GALNT18: variants seen among roughly 807,000 people sequenced by gnomAD.
GALNT18 encodes the protein GalNAc-transferase 18.
Under a neutral mutation model 69.5 loss-of-function variants are expected in GALNT18, and 44 were observed. That is an observed-to-expected ratio of 0.63 (90% CI 0.50 to 0.81). GALNT18 has a LOEUF of 0.81. Ranked by LOEUF, GALNT18 falls within the 40% of genes least tolerant of loss-of-function variation. GALNT18 has a pLI of 0.00. For synonymous variants in GALNT18, 364 were observed against 318.2 expected (o/e 1.14, Z -1.53); for missense variants, 715 against 810.0 (o/e 0.88, Z 1.42).
Position 11,500,756 on chromosome 11 carries a change from G to A in GALNT18, c.236-51820C>T, listed in dbSNP as rs963182472. 6.6e-6 allele frequency among the ~76,000 whole-genome samples: 1 copy of A among 152,204 alleles called. No homozygotes were observed. Among genetic ancestry groups the A allele is most frequent in the Non-Finnish European group, 1.5e-5 (1 of 68,034 alleles). ...TCTTTATGGATAGTGAATTGCCTCA[G>A]GTAAGGAGTCAAGGATCTCCTTTTC... On this transcript the variant is annotated intron_variant, in intron 1 of 10. Transcript: ENST00000227756. The surrounding 1 kb of genome is among the most constrained non-coding windows in gnomAD (Gnocchi z 5.0).
chr11:11,427,862 C>T (rs1855168413), intron 3 of GALNT18, among the ~76,000 whole-genome samples: 1 of 152,198 alleles, frequency 6.6e-6, no homozygotes, highest in East Asian at 1.9e-4. Flanking sequence ...ACCTCATCCC[C>T]AGTGCCTCTG....
At chr11:11,484,028 C>T (rs534589894) in intron 1 of GALNT18, among the ~76,000 whole-genome samples, 1 of 152,276 alleles carries the variant, frequency 6.6e-6, no homozygotes, top group Non-Finnish European at 1.5e-5. Flanking sequence ...ACAGCACCTA[C>T]TCTGTGCGGG....
intron 6 of GALNT18, among the ~76,000 whole-genome samples, chr11:11,346,392 T>A (rs1850303861): frequency 1.3e-5 from 2 of 152,222 alleles, no homozygotes; most frequent in Non-Finnish European, 2.9e-5. Flanking sequence ...CTCAGCGGGA[T>A]GCCCTAATAA....
intron 9 of GALNT18, among the ~76,000 whole-genome samples, chr11:11,311,991 C>T (rs1037999374): frequency 6.6e-6 from 1 of 152,224 alleles, no homozygotes; most frequent in East Asian, 1.9e-4. Flanking sequence ...GAGTCTCGCT[C>T]TGTTGCCCAG....
rs536581984 is a variant in GALNT18 at position 11,493,754 on chromosome 11, T to C, written c.236-44818A>G. ...CCAAGAAATTGGAAAGTCGTGTTTCTGCTCTGGAACTTCAGAACGGAGATT... is the reference window on the plus strand; with the variant it reads ...CCAAGAAATTGGAAAGTCGTGTTTCCGCTCTGGAACTTCAGAACGGAGATT... On this transcript the variant is annotated intron_variant, in intron 1 of 10. Coordinates refer to ENST00000227756, the MANE Select transcript of GALNT18 (RefSeq NM_198516.3). Among the ~76,000 whole-genome samples, 14 of 152,362 alleles carry C rather than the reference T, an allele frequency of 9.2e-5. No individual in the cohort carries two copies. In the South Asian group the frequency reaches 2.3e-3, roughly 25 times the overall value.
chr11:11,418,862 C>G (rs978416944), intron 3 of GALNT18, among the ~76,000 whole-genome samples: 14 of 152,172 alleles, frequency 9.2e-5, no homozygotes, highest in African/African-American at 3.4e-4. Context: ...TTCTCTGGAT[C>G]GCAGTTTTCT....
intron 2 of GALNT18, among the ~76,000 whole-genome samples, chr11:11,440,218 C>A (rs1855505074): frequency 6.6e-6 from 1 of 152,330 alleles, no homozygotes; most frequent in African/African-American, 2.4e-5. Flanking sequence ...GAAAGAGAAT[C>A]ATTTACAACG....
intron 1 of GALNT18, among the ~76,000 whole-genome samples, chr11:11,485,677 T>A (rs1020547447): frequency 6.6e-6 from 1 of 152,136 alleles, no homozygotes; most frequent in Admixed American, 6.5e-5. Flanking sequence ...GGGCACCAAC[T>A]GTATACCAAC....
rs557281173 is a variant in GALNT18 at position 11,491,570 on chromosome 11, C to A, written c.236-42634G>T. 5.9e-5 allele frequency among the ~76,000 whole-genome samples: 9 copies of A among 152,380 alleles called. No individual in the cohort carries two copies. In the East Asian group the frequency reaches 1.7e-3, roughly 29 times the overall value. ...TGCATTTCCTAAAGCAGATCTAAAA[C>A]CTCCCTATGGATTTGGTTTTCATAT... On this transcript the variant is annotated intron_variant, in intron 1 of 10. Coordinates refer to ENST00000227756, the MANE Select transcript of GALNT18 (RefSeq NM_198516.3).
intron 3 of GALNT18, among the ~76,000 whole-genome samples, chr11:11,401,574 G>A (rs780882818): frequency 6.6e-6 from 1 of 152,196 alleles, no homozygotes; most frequent in Non-Finnish European, 1.5e-5. Context: ...CATCTTCTAG[G>A]AACAAGGATA....
At chr11:11,532,472 A>G (rs1857676398) in intron 1 of GALNT18, among the ~76,000 whole-genome samples, 1 of 152,160 alleles carries the variant, frequency 6.6e-6, no homozygotes, top group Non-Finnish European at 1.5e-5. Context: ...GCTATTTCTC[A>G]GTCTCCCTTA....
In GALNT18 at chr11:11,278,324, T is replaced by C. The variant is rs1413941594; in HGVS notation, c.1678-7034A>G. On this transcript the variant is annotated intron_variant, in intron 10 of 10. Coordinates refer to ENST00000227756, the MANE Select transcript of GALNT18 (RefSeq NM_198516.3). ...GACCAAGTTGACCAACGAGAACACA[T>C]GGACACGGCAGGGAAGGCATCACAC... 2.4e-5 allele frequency among the ~76,000 whole-genome samples: 3 copies of C among 123,418 alleles called. No individual in the cohort carries two copies. The Admixed American group carries it at 3.0e-4, about 12-fold the overall frequency. The allele number at this position is 123,418 out of a possible 152,430, so 81.0% of individuals were successfully genotyped here.
chr11:11,558,944 G>A (rs1858397350), intron 1 of GALNT18, among the ~76,000 whole-genome samples: 1 of 152,328 alleles, frequency 6.6e-6, no homozygotes, highest in Non-Finnish European at 1.5e-5. Context: ...CAGAGAGGCT[G>A]CACAGCACAG....
rs1002664415 is a variant in GALNT18 at position 11,599,900 on chromosome 11, G to C, written c.235+21459C>G. Among the ~76,000 whole-genome samples, 35 of 151,772 alleles carry C rather than the reference G, an allele frequency of 2.3e-4. 1 individual carries two copies. Among genetic ancestry groups the C allele is most frequent in the Non-Finnish European group, 1.2e-4 (8 of 67,838 alleles). Reference sequence around the variant, plus strand: ...CACCTCACATACTTATCTTTTTTGTGATAAGAACATTTAGAATATCTTTAA... The same window carrying C: ...CACCTCACATACTTATCTTTTTTGTCATAAGAACATTTAGAATATCTTTAA... On this transcript the variant is annotated intron_variant, in intron 1 of 10. Coordinates refer to ENST00000227756, the MANE Select transcript of GALNT18 (RefSeq NM_198516.3).
At position 11,430,313 on chromosome 11, in the gene GALNT18, C is replaced by T. The variant is rs1047815997; in HGVS notation, c.595+2308G>A. 3.4e-4 allele frequency among the ~76,000 whole-genome samples: 52 copies of T among 152,290 alleles called. 2 individuals are homozygous for T. The highest frequency in any genetic ancestry group is 1.2e-3 in the African/African-American group (49 of 41,558). ...TTCATATGCCCCTCACCCAGTATTC[C>T]CCAATGGTAACATTGTACACAACCA... On this transcript the variant is annotated intron_variant, in intron 3 of 10. Coordinates refer to ENST00000227756, the MANE Select transcript of GALNT18 (RefSeq NM_198516.3). This position sits in a 1 kb window ranked among gnomAD's most constrained non-coding sequence, Gnocchi z 4.9.
At chr11:11,399,170 CTCTT>C (rs993043303) in intron 3 of GALNT18, among the ~76,000 whole-genome samples, 20 of 152,196 alleles carry the variant, frequency 1.3e-4, no homozygotes, top group Admixed American at 3.9e-4. Context: ...TCTTCTCTCT[CTCTT>C]TCTCTCTCCA....
chr11:11,420,656 C>T (rs751499782), intron 3 of GALNT18, among the ~76,000 whole-genome samples: 21 of 152,326 alleles, frequency 1.4e-4, no homozygotes, highest in Admixed American at 3.9e-4. Context: ...CTATTGTCTG[C>T]ACCTGATTTT....
At chr11:11,284,115 G>A (rs912718453) in intron 10 of GALNT18, among the ~76,000 whole-genome samples, 22 of 152,194 alleles carry the variant, frequency 1.4e-4, no homozygotes, top group Admixed American at 4.6e-4. Flanking sequence ...AGCATGCTGA[G>A]GCACTCAATT....
chr11:11,388,498 A>T lies in GALNT18; in HGVS notation c.596-9234T>A, dbSNP rs58783967. Among the ~76,000 whole-genome samples the T allele has an allele frequency of 7.8e-3, 1,191 of 152,336 alleles. 17 individuals are homozygous for T. Among genetic ancestry groups the T allele is most frequent in the African/African-American group, 0.027 (1,105 of 41,558 alleles). ...CTTCCTCTCTCTCTCAAATTAAGAC[A>T]AAATAAAACAAACAAAAAACCTTGA... On this transcript the variant is annotated intron_variant, in intron 3 of 10. Transcript: ENST00000227756.
Sources: gnomAD v4.1 joint callset for allele counts (sites outside exome capture counted in the v4.1 genomes callset) on GRCh38, gnomAD v4.1.1 for gene constraint, Gnocchi (gnomAD v3.1) non-coding constraint, MANE v1.5 for transcripts, NCBI Gene and HGNC (gene_info 2026-07-23, HGNC 2026-07-21) for gene names.